CORO1C: variants seen among roughly 807,000 people sequenced by gnomAD.
CORO1C encodes the protein coronin 1C.
A neutral mutation model predicts 51.2 loss-of-function variants in CORO1C; 14 were observed. The observed-to-expected ratio is 0.27, with a 90% CI of 0.18 to 0.43. The LOEUF is 0.43. Among genes scored for constraint, CORO1C ranks in the 20% least tolerant of loss-of-function variants. The probability of loss-of-function intolerance (pLI) is 1.00; values close to 1 mark genes in which losing one functional copy is unlikely to be tolerated. For synonymous variants in CORO1C, 181 were observed against 210.5 expected, an observed-to-expected ratio of 0.86 and a Z score of 1.21; for missense variants, 417 against 607.8, an observed-to-expected ratio of 0.69 and a Z score of 3.30.
intron 2 of CORO1C, among the ~76,000 whole-genome samples, chr12:108,685,311 T>G (rs555207645): frequency 6.6e-6 from 1 of 152,274 alleles, no homozygotes; most frequent in African/African-American, 2.4e-5. Context: ...AGCTCAACAT[T>G]TTCTCTGGAA....
In CORO1C at chr12:108,690,948, A is replaced by G. The variant is rs963179535; in HGVS notation, c.195+10176T>C. ...AGCAAATGACATTGGAGATTGATCT[A>G]CTGAAACCCTCTGTGAACGCTGAAG... On this transcript the variant is annotated intron_variant, in intron 2 of 10. Coordinates refer to ENST00000261401, the MANE Select transcript of CORO1C (RefSeq NM_014325.4). 4.6e-5 allele frequency among the ~76,000 whole-genome samples: 7 copies of G among 152,222 alleles called. No individual in the cohort carries two copies. In the East Asian group the frequency reaches 1.3e-3, roughly 29 times the overall value.
At chr12:108,675,351 G>C (rs1453758415) in intron 3 of CORO1C, among the ~76,000 whole-genome samples, 1 of 152,156 alleles carries the variant, frequency 6.6e-6, no homozygotes, top group Non-Finnish European at 1.5e-5. Context: ...CAAAGACTAT[G>C]ATGGTCATTT....
intron 2 of CORO1C, among the ~76,000 whole-genome samples, chr12:108,687,700 G>A (rs1007248281): frequency 6.6e-6 from 1 of 150,648 alleles, no homozygotes; most frequent in African/African-American, 2.4e-5. Context: ...CACGAGAATC[G>A]CTTGAACCTG....
intron 1 of CORO1C, among the ~76,000 whole-genome samples, chr12:108,721,752 A>G (rs1460736694): frequency 6.6e-6 from 1 of 152,060 alleles, no homozygotes; most frequent in Admixed American, 6.6e-5. Context: ...ATAAGTTTAT[A>G]AAAGAATAGA....
Position 108,648,748 on chromosome 12 carries a change from TG to T in CORO1C, c.1161del (p.Ile388SerfsTer3). 6.2e-7 allele frequency: 1 copy of T among 1,614,158 alleles called. No individual in the cohort carries two copies. The highest frequency in any genetic ancestry group is 8.5e-7 in the Non-Finnish European group (1 of 1,180,028). ...GGAATGTACCCGTGCTTCAAGGAGA[TG>T]AGGATTGGGTCTGCATTCTTGCCTT... ...WFEGKNADPI[L>X]ISLKHGYIPG... On this transcript the variant is annotated frameshift_variant, in exon 10 of 11. Coordinates refer to ENST00000261401, the MANE Select transcript of CORO1C (RefSeq NM_014325.4). LOFTEE classifies it high-confidence loss of function.
At chr12:108,668,528 A>G (rs979834650) in intron 3 of CORO1C, 2 of 152,352 alleles carry the variant, frequency 1.3e-5, no homozygotes, top group Non-Finnish European at 2.9e-5. Context: ...AAAAAAAACT[A>G]TATTAGGAAA....
intron 2 of CORO1C, 75 bp downstream of exon 2, chr12:108,701,049 A>T: frequency 1.4e-6 from 2 of 1,481,160 alleles, no homozygotes; most frequent in East Asian, 4.5e-5. Flanking sequence ...TTCTTAGTGA[A>T]CTGTCAATCT....
At chr12:108,708,277 C>T (rs1184764699) in intron 1 of CORO1C, among the ~76,000 whole-genome samples, 1 of 152,046 alleles carries the variant, frequency 6.6e-6, no homozygotes, top group Non-Finnish European at 1.5e-5. Flanking sequence ...GTGATATTAC[C>T]TGTACAACAG....
In CORO1C at chr12:108,705,528, T is replaced by C. The variant is rs375316576; in HGVS notation, c.-5-4205A>G. 1.5e-4 allele frequency among the ~76,000 whole-genome samples: 22 copies of C among 150,486 alleles called. 2 individuals are homozygous for C. Among genetic ancestry groups the C allele is most frequent in the Admixed American group, 7.3e-4 (11 of 15,110 alleles). ...CAAGAAAGCCCAGACCCAGATGACTTCACTGCTAAAGTCTATCAAACATTT... is the reference window on the plus strand; with the variant it reads ...CAAGAAAGCCCAGACCCAGATGACTCCACTGCTAAAGTCTATCAAACATTT... On this transcript the variant is annotated intron_variant, in intron 1 of 10. Transcript: ENST00000261401.
At chr12:108,659,042 G>C (rs1592856417) in intron 4 of CORO1C, 123 bp from the exon 5 acceptor site, 1 of 1,050,894 alleles carries the variant, frequency 9.5e-7, no homozygotes, top group Non-Finnish European at 1.3e-6. Context: ...GAGAAAGAGA[G>C]AGAGAGAAAA....
intron 1 of CORO1C, among the ~76,000 whole-genome samples, chr12:108,709,206 T>TA (rs1255641840): frequency 1.1e-4 from 16 of 152,160 alleles, no homozygotes; most frequent in East Asian, 9.7e-4. Flanking sequence ...AACTGTTTTT[T>TA]TAAAAAAACT....
chr12:108,677,329 T>G (rs1041465770), intron 3 of CORO1C, among the ~76,000 whole-genome samples: 3 of 152,226 alleles, frequency 2.0e-5, no homozygotes, highest in Admixed American at 6.5e-5. Context: ...GAAATCATAT[T>G]AAAAAGTATT....
At chr12:108,657,536 T>C in intron 5 of CORO1C, 113 bp from the exon 6 acceptor site, 2 of 1,152,398 alleles carry the variant, frequency 1.7e-6, no homozygotes, top group Non-Finnish European at 2.5e-6. Context: ...CACCTGGGTG[T>C]GGGAGGGAGG....
At chr12:108,711,635 G>A (rs529715930) in intron 1 of CORO1C, among the ~76,000 whole-genome samples, 2 of 149,218 alleles carry the variant, frequency 1.3e-5, no homozygotes, top group Admixed American at 1.3e-4. Flanking sequence ...AACCGAGATC[G>A]CGTCACTGCA....
intron 2 of CORO1C, among the ~76,000 whole-genome samples, chr12:108,678,635 T>C (rs2033996184): frequency 6.9e-6 from 1 of 145,676 alleles, no homozygotes; most frequent in African/African-American, 2.6e-5. Flanking sequence ...CTAGCAGACA[T>C]AGCAAAAGAG....
At chr12:108,659,263 T>A (rs1269912843) in intron 4 of CORO1C, among the ~76,000 whole-genome samples, 1 of 152,256 alleles carries the variant, frequency 6.6e-6, no homozygotes, top group Non-Finnish European at 1.5e-5. Context: ...AAGAGTTAAC[T>A]GGGCTGGTAG....
At chr12:108,664,734 C>T (rs1363296650) in intron 3 of CORO1C, among the ~76,000 whole-genome samples, 2 of 152,198 alleles carry the variant, frequency 1.3e-5, no homozygotes, top group African/African-American at 4.8e-5. Flanking sequence ...TAGCTTTCAT[C>T]CTGACATGCA....
chr12:108,661,266 T>C (rs1003931058), intron 4 of CORO1C, among the ~76,000 whole-genome samples: 4 of 152,168 alleles, frequency 2.6e-5, no homozygotes, highest in Non-Finnish European at 5.9e-5. Context: ...ACAACACCAG[T>C]GTCCAGAAAT....
chr12:108,708,154 T>C (rs963752835), intron 1 of CORO1C, among the ~76,000 whole-genome samples: 5 of 152,140 alleles, frequency 3.3e-5, no homozygotes, highest in Admixed American at 3.3e-4. Flanking sequence ...TGAAAACAGG[T>C]AGTCAAACAA....
Sources: allele counts gnomAD v4.1 joint callset (sites outside exome capture counted in the v4.1 genomes callset), GRCh38; gene constraint gnomAD v4.1.1; transcripts MANE v1.5; gene names NCBI Gene and HGNC (gene_info 2026-07-23, HGNC 2026-07-21).